The following DPP10 variants were observed in gnomAD, a reference collection of about 807,000 sequenced individuals.
DPP10 encodes dipeptidyl peptidase like 10, also known as inactive dipeptidyl peptidase 10.
A neutral mutation model predicts 120.9 loss-of-function variants in DPP10; 33 were observed. That is an observed-to-expected ratio of 0.27 (90% confidence interval 0.21 to 0.37). The LOEUF is 0.37. DPP10 is among the 10% of genes least tolerant of loss of function. DPP10 has a pLI of 1.00. For synonymous variants in DPP10, 337 were observed against 326.1 expected, an observed-to-expected ratio of 1.03 and a Z score of -0.36; for missense variants, 816 against 942.8, an observed-to-expected ratio of 0.87 and a Z score of 1.76.
intron 1 of DPP10, among the ~76,000 whole-genome samples, chr2:114,947,630 T>C (rs977598477): frequency 3.9e-5 from 6 of 152,062 alleles, no homozygotes; most frequent in African/African-American, 7.2e-5. Flanking sequence ...TAATTTTTTA[T>C]ATTCCTCATA....
At chr2:115,266,142 A>T (rs536372847) in intron 1 of DPP10, among the ~76,000 whole-genome samples, 3 of 152,162 alleles carry the variant, frequency 2.0e-5, no homozygotes, top group Non-Finnish European at 2.9e-5. Flanking sequence ...GCTCTGTAAT[A>T]GTTTCGAGGG....
chr2:115,130,501 T>TATCCATCCATCCATCC lies in DPP10; in HGVS notation c.61-178711_61-178696dup, dbSNP rs56314226. ...CCATCCATGCATCCATCCATCCATC[T>TATCCATCCATCCATCC]ATCCATCCATCCATCCATCCATCCA... On this transcript the variant is annotated intron_variant, in intron 1 of 25. Transcript: ENST00000410059. Among the ~76,000 whole-genome samples, 800 of 144,968 alleles carry TATCCATCCATCCATCC rather than the reference T, an allele frequency of 5.5e-3. 10 individuals carry two copies. The highest frequency in any genetic ancestry group is 0.014 in the Middle Eastern group (4 of 282).
At chr2:115,590,602 A>G (rs1475961481) in intron 5 of DPP10, among the ~76,000 whole-genome samples, 1 of 152,202 alleles carries the variant, frequency 6.6e-6, no homozygotes, top group Admixed American at 6.5e-5. Context: ...AGTCTTTGCT[A>G]TTGCAAATAG....
intron 1 of DPP10, among the ~76,000 whole-genome samples, chr2:115,270,836 G>A (rs2059667759): frequency 6.6e-6 from 1 of 152,122 alleles, no homozygotes; most frequent in African/African-American, 2.4e-5. Flanking sequence ...GCTACTGACT[G>A]TCAATTATTT....
At chr2:114,488,181 A>C (rs72949896) in intron 1 of DPP10, among the ~76,000 whole-genome samples, 2,610 of 152,230 alleles carry the variant, frequency 0.017, 72 homozygotes, top group African/African-American at 0.059. Context: ...GTCAGGGCCC[A>C]CCTGTGCCTC....
intron 1 of DPP10, among the ~76,000 whole-genome samples, chr2:114,847,236 G>A (rs1441151036): frequency 6.6e-6 from 1 of 151,952 alleles, no homozygotes; most frequent in Admixed American, 6.6e-5. Flanking sequence ...AATTTCTACA[G>A]GCTCCTTCAC....
intron 5 of DPP10, among the ~76,000 whole-genome samples, chr2:115,625,571 C>G (rs192443610): frequency 6.6e-6 from 1 of 152,192 alleles, no homozygotes; most frequent in Admixed American, 6.5e-5. Context: ...AGGATTAAGA[C>G]ATTAAGAATA....
At chr2:115,825,928 G>T (rs1298748728) in intron 21 of DPP10, among the ~76,000 whole-genome samples, 3 of 152,110 alleles carry the variant, frequency 2.0e-5, no homozygotes, top group African/African-American at 7.2e-5. Context: ...AGATAGAAAA[G>T]AACTAAAGAA....
intron 3 of DPP10, among the ~76,000 whole-genome samples, chr2:115,475,691 G>T (rs2075031415): frequency 6.6e-6 from 1 of 152,192 alleles, no homozygotes; most frequent in Non-Finnish European, 1.5e-5. Flanking sequence ...CAGTTGTGGG[G>T]GCTAAACCCT....
rs151329156 is a variant in DPP10 at position 115,689,888 on chromosome 2, G to A, written c.543G>A (p.Gln181=). 6.8e-6 allele frequency: 11 copies of A among 1,613,938 alleles called. No homozygotes were observed. The highest frequency in any genetic ancestry group is 9.3e-6 in the Non-Finnish European group (11 of 1,179,946). Residue 181 remains glutamine, a synonymous_variant, in exon 7 of 26, where the codon CAG becomes CAA. Coordinates refer to ENST00000410059, the MANE Select transcript of DPP10 (RefSeq NM_020868.6). The stretch of plus-strand genomic sequence containing the variant: ...CAGAAGTAGAGGACTCCGTCTTGCA[G>A]TACGCGGCCTGGGGTGTCCAAGGGC... ...NPPEVEDSVL[Q]YAAWGVQGQQ...
chr2:115,672,680 C>CTCTTTCTTTCCTTTCTTTCTTTCTT, intron 5 of DPP10, among the ~76,000 whole-genome samples: 1 of 113,338 alleles, frequency 8.8e-6, no homozygotes, highest in African/African-American at 3.6e-5. Flanking sequence ...CTCTTTCTTT[C>CTCTTTCTTTCCTTTCTTTCTTTCTT]TCTTTCTTTC....
chr2:114,537,710 TTTCA>T (rs796713909), intron 1 of DPP10, among the ~76,000 whole-genome samples: 55 of 152,322 alleles, frequency 3.6e-4, no homozygotes, highest in African/African-American at 1.2e-3. Context: ...ATAAGATGGG[TTTCA>T]TTATCACCAT....
chr2:115,696,491 CCAA>C (rs2091596699), intron 7 of DPP10, among the ~76,000 whole-genome samples: 1 of 152,066 alleles, frequency 6.6e-6, no homozygotes, highest in Non-Finnish European at 1.5e-5. Context: ...AATCTGTTAA[CCAA>C]AAATTTCATG....
At chr2:115,039,257 G>A (rs1210590692) in intron 1 of DPP10, among the ~76,000 whole-genome samples, 1 of 152,190 alleles carries the variant, frequency 6.6e-6, no homozygotes, top group Non-Finnish European at 1.5e-5. Context: ...AGAATGATAT[G>A]TCCTGCTAAG....
At chr2:114,802,385 C>A (rs1341715309) in intron 1 of DPP10, among the ~76,000 whole-genome samples, 1 of 152,124 alleles carries the variant, frequency 6.6e-6, no homozygotes, top group Non-Finnish European at 1.5e-5. Flanking sequence ...TATAGCCTGG[C>A]ATTCTGGTAG....
At chr2:115,509,815 C>T (rs918382487) in intron 4 of DPP10, among the ~76,000 whole-genome samples, 14 of 152,138 alleles carry the variant, frequency 9.2e-5, no homozygotes, top group African/African-American at 3.4e-4. Context: ...CATGGATTTG[C>T]CTTCCTAGCA....
chr2:115,536,371 G>A (rs1490215103), intron 5 of DPP10, among the ~76,000 whole-genome samples: 1 of 151,712 alleles, frequency 6.6e-6, no homozygotes, highest in Non-Finnish European at 1.5e-5. Context: ...CTTTTCATGT[G>A]GTGATATCAT....
chr2:115,577,521 T>C (rs1237971751), intron 5 of DPP10, among the ~76,000 whole-genome samples: 2 of 152,236 alleles, frequency 1.3e-5, no homozygotes, highest in Admixed American at 6.5e-5. Flanking sequence ...TGAAGTATTA[T>C]AAAATGTTAG....
intron 17 of DPP10, among the ~76,000 whole-genome samples, chr2:115,784,325 T>C (rs1683102837): frequency 6.6e-6 from 1 of 152,124 alleles, no homozygotes; most frequent in African/African-American, 2.4e-5. Context: ...GAATAGTGCA[T>C]GGAGAGAAAA....
Sources: gnomAD v4.1 joint callset for allele counts (sites outside exome capture counted in the v4.1 genomes callset) on GRCh38, gnomAD v4.1.1 for gene constraint, MANE v1.5 for transcripts, NCBI Gene and HGNC (gene_info 2026-07-23, HGNC 2026-07-21) for gene names.